The following CENPN variants were observed in gnomAD, a reference collection of about 807,000 sequenced individuals.
The protein encoded by CENPN is interphase centromere complex protein 32.
In CENPN, 36 loss-of-function variants were observed where a neutral mutation model predicts 48.6. The observed-to-expected ratio is 0.74, with a 90% confidence interval of 0.57 to 0.98. The LOEUF (loss-of-function observed/expected upper bound fraction) is 0.98. Ranked by LOEUF, CENPN falls within the 50% of genes least tolerant of loss-of-function variation. CENPN has a pLI of 0.00. For synonymous variants in CENPN, 166 were observed against 135.2 expected (o/e 1.23, Z -1.58); for missense variants, 439 against 399.2 (o/e 1.10, Z -0.85).
chr16:81,028,248 G>T lies in CENPN; in HGVS notation c.888G>T (p.Lys296Asn). 6.2e-7 allele frequency: 1 copy of T among 1,614,086 alleles called. No homozygotes were observed. Among genetic ancestry groups the T allele is most frequent in the South Asian group, 1.1e-5 (1 of 91,088 alleles). The change falls in exon 10 of 11, where the codon AAG (lysine) becomes AAT (asparagine). Residue 296 changes from lysine to asparagine, a missense_variant. Coordinates refer to ENST00000305850, the MANE Select transcript of CENPN (RefSeq NM_001100624.3). Reference protein sequence around the residue: ...EREEPLRCLIKFSSPHLLEAL... With the variant: ...EREEPLRCLINFSSPHLLEAL... The stretch of plus-strand genomic sequence containing the variant: ...AAGAACCCCTCCGATGCCTAATAAA[G>T]TTCTCTAGCCCACATCTTCTGGAAG...
chr16:81,012,159 G>C (rs771350267), intron 2 of CENPN, 49 bp downstream of exon 2: 1 of 1,546,628 alleles, frequency 6.5e-7, no homozygotes, highest in Non-Finnish European at 8.8e-7. Context: ...TACCCCCTTG[G>C]GTTTTTCTTT....
At chr16:81,032,323 T>G (rs1255659526), downstream of CENPN, among the ~76,000 whole-genome samples, 1 of 152,190 alleles carries the variant, frequency 6.6e-6, no homozygotes, top group Non-Finnish European at 1.5e-5. Flanking sequence ...CAAGTTAATT[T>G]CTGTCTCCCT....
chr16:81,024,835 T>A, intron 8 of CENPN, 57 bp downstream of exon 8: 1 of 1,143,676 alleles, frequency 8.7e-7, no homozygotes, highest in Non-Finnish European at 1.3e-6. Flanking sequence ...CCTTATAGAT[T>A]TCTTTCACTT....
intron 6 of CENPN, 98 bp downstream of exon 6, chr16:81,020,374 T>C: frequency 1.6e-6 from 2 of 1,237,164 alleles, no homozygotes. Flanking sequence ...TAGAGAATAC[T>C]AGGCCAGGTG....
intron 8 of CENPN, among the ~76,000 whole-genome samples, chr16:81,026,123 A>G (rs1287196965): frequency 1.6e-5 from 2 of 121,342 alleles, no homozygotes; most frequent in South Asian, 3.4e-4. Flanking sequence ...ATATGTATAT[A>G]TATGTGTGTA....
intron 3 of CENPN, among the ~76,000 whole-genome samples, chr16:81,014,695 A>T (rs1382268966): frequency 1.3e-5 from 2 of 152,194 alleles, no homozygotes; most frequent in African/African-American, 4.8e-5. Flanking sequence ...TCTTGTTAGG[A>T]TTAAATGAGG....
rs1184419557 is a variant in CENPN at position 81,021,113 on chromosome 16, A to G, written c.531+837A>G. On this transcript the variant is annotated intron_variant, in intron 6 of 10. Transcript: ENST00000305850. ...GTCTTAAAAAAAAAAAAAAATTAAC[A>G]TAACATTTCCACGTGGTTACAAATG... Among the ~76,000 whole-genome samples, 6 of 152,000 alleles carry G rather than the reference A, an allele frequency of 3.9e-5. No homozygotes were observed. In the East Asian group the frequency reaches 7.7e-4, roughly 20 times the overall value.
chr16:81,014,591 G>A (rs1049106410), intron 3 of CENPN, among the ~76,000 whole-genome samples: 1 of 152,034 alleles, frequency 6.6e-6, no homozygotes, highest in Admixed American at 6.6e-5. Context: ...ATCCCAGTAT[G>A]TCACTCAGCC....
intron 3 of CENPN, chr16:81,017,043 A>G (rs1325163265): frequency 3.2e-5 from 9 of 285,120 alleles, no homozygotes; most frequent in Non-Finnish European, 5.9e-5. Context: ...ATTCTGTGGA[A>G]TGGAATAAAT....
intron 9 of CENPN, 100 bp from the exon 10 acceptor site, chr16:81,028,071 T>TGG (rs1970590527): frequency 9.8e-7 from 1 of 1,018,636 alleles, no homozygotes; most frequent in African/African-American, 1.6e-5. Flanking sequence ...TATTTCTTAA[T>TGG]GGCAAGAATT....
Position 81,022,599 on chromosome 16 carries a change from G to T in CENPN, c.534G>T (p.Ala178=). ...LRRNTPLLGQ[A]LTIASKHHQI... ...GTCTTGCAAATTTTCATTTCAAGGCGCTGACAATTGCTAGCAAACACCATC... is the reference window on the plus strand; with the variant it reads ...GTCTTGCAAATTTTCATTTCAAGGCTCTGACAATTGCTAGCAAACACCATC... The change falls in exon 7 of 11, where the codon GCG becomes GCT. Residue 178 remains alanine, a splice_region_variant and synonymous_variant. Transcript: ENST00000305850. The T allele has an allele frequency of 1.2e-6, 2 of 1,613,768 alleles. No homozygotes were observed. Among genetic ancestry groups the T allele is most frequent in the Non-Finnish European group, 1.7e-6 (2 of 1,179,774 alleles).
intron 7 of CENPN, chr16:81,023,130 T>A (rs1970293087): frequency 2.8e-6 from 1 of 354,844 alleles, no homozygotes; most frequent in Non-Finnish European, 5.3e-6. Flanking sequence ...AATCCCAAAG[T>A]TCATTTGTTA....
chr16:81,011,443 T>C (rs2151676180), intron 1 of CENPN, among the ~76,000 whole-genome samples: 1 of 152,330 alleles, frequency 6.6e-6, no homozygotes, highest in East Asian at 1.9e-4. Context: ...GTATCCCCAG[T>C]GCCTAGAAAA....
chr16:81,026,985 C>G (rs571812923), intron 9 of CENPN, among the ~76,000 whole-genome samples: 1 of 151,668 alleles, frequency 6.6e-6, no homozygotes, highest in African/African-American at 2.4e-5. Flanking sequence ...TTAGTAGAGA[C>G]GGGGTTTCAT....
intron 1 of CENPN, among the ~76,000 whole-genome samples, chr16:81,009,895 T>C (rs1468800075): frequency 1.3e-5 from 2 of 152,136 alleles, no homozygotes; most frequent in Admixed American, 6.5e-5. Flanking sequence ...GTACCCTGCA[T>C]TGTATAAAAA....
At chr16:81,019,907 T>C (rs1970102859) in intron 5 of CENPN, among the ~76,000 whole-genome samples, 193 bp from the exon 6 acceptor site, 1 of 151,408 alleles carries the variant, frequency 6.6e-6, no homozygotes, top group Non-Finnish European at 1.5e-5. Flanking sequence ...AAAGGATTTT[T>C]TTTTTTTAAA....
chr16:81,013,705 A>G (rs1397142555), intron 2 of CENPN, among the ~76,000 whole-genome samples: 1 of 152,000 alleles, frequency 6.6e-6, no homozygotes, highest in Non-Finnish European at 1.5e-5. Flanking sequence ...TGGGCAATAG[A>G]GCAAGACTCT....
rs779958794 is a variant in CENPN at position 81,022,762 on chromosome 16, A to C, written c.633+64A>C. On this transcript the variant is annotated intron_variant, in intron 7 of 10. Coordinates refer to ENST00000305850, the MANE Select transcript of CENPN (RefSeq NM_001100624.3). ...ATTTTCTCTTTGACACAGGAGTTAG[A>C]AGCTACTGGGAAAATCTACCTCCGA... is the stretch of plus-strand genomic sequence containing the variant. The C allele has an allele frequency of 1.5e-5, 24 of 1,613,996 alleles. No individual in the cohort carries two copies. In the East Asian group the frequency reaches 4.5e-4, roughly 30 times the overall value.
chr16:81,017,484 T>C, intron 4 of CENPN, 99 bp downstream of exon 4: 1 of 828,142 alleles, frequency 1.2e-6, no homozygotes, highest in South Asian at 1.5e-5. Context: ...CACTCCAGCC[T>C]GGGTAACAGA....
Sources: gnomAD v4.1 joint callset for allele counts (sites outside exome capture counted in the v4.1 genomes callset) on GRCh38, gnomAD v4.1.1 for gene constraint, MANE v1.5 for transcripts, NCBI Gene and HGNC (gene_info 2026-07-23, HGNC 2026-07-21) for gene names.